The following HERC5 variants were observed in gnomAD, a reference collection of about 807,000 sequenced individuals.
HERC5 encodes HECT and RLD domain containing E3 ubiquitin protein ligase 5, also known as E3 ISG15--protein ligase HERC5.
In HERC5, 99 loss-of-function variants were observed where a neutral mutation model predicts 119.6. The observed-to-expected ratio is 0.83, with a 90% CI of 0.70 to 0.98. The LOEUF is 0.98. Ranked by LOEUF, HERC5 falls within the 50% of genes least tolerant of loss-of-function variation. The pLI, the probability that HERC5 is intolerant of heterozygous loss-of-function variation, is 0.00. For missense variants in HERC5, 1,267 were observed against 1,241.3 expected (o/e 1.02, Z -0.31); for synonymous variants, 478 against 445.9 (o/e 1.07, Z -0.91).
chr4:88,476,276 TA>T (rs1741065814), intron 12 of HERC5, among the ~76,000 whole-genome samples: 1 of 152,338 alleles, frequency 6.6e-6, no homozygotes, highest in South Asian at 2.1e-4. Context: ...AACTTTTCAC[TA>T]TGAAAAATTT....
intron 11 of HERC5, among the ~76,000 whole-genome samples, chr4:88,475,107 C>T (rs1184727554): frequency 1.9e-4 from 27 of 142,190 alleles, no homozygotes; most frequent in African/African-American, 6.2e-4. Flanking sequence ...TTGAAATTTT[C>T]GGATTTTGTC....
chr4:88,467,171 G>A lies in HERC5; in HGVS notation c.1024G>A (p.Val342Met), dbSNP rs1740700158. Reference sequence around the variant, plus strand: ...ACGTGACCAGCTGATGCCGCTTCCAGTGAAAGTATCATCAAGTGAAGAACT... The same window carrying A: ...ACGTGACCAGCTGATGCCGCTTCCAATGAAAGTATCATCAAGTGAAGAACT... ...GTRDQLMPLP[V>M]KVSSSEELKL... Residue 342 changes from valine (V) to methionine (M), a missense_variant, in exon 7 of 23, where the codon GTG becomes ATG. By Grantham distance (21) the Val-to-Met change is conservative. Around this residue, in one of 3 missense-constraint regions of HERC5, gnomAD observed 777 missense variants for 758.0 expected, o/e 1.03. Transcript: ENST00000264350. The A allele has an allele frequency of 1.2e-6, 2 of 1,614,078 alleles. No homozygotes were observed. The highest frequency in any genetic ancestry group is 1.7e-5 in the Admixed American group (1 of 60,000).
At chr4:88,502,011 G>A (rs564226232) in intron 20 of HERC5, among the ~76,000 whole-genome samples, 12 of 152,274 alleles carry the variant, frequency 7.9e-5, no homozygotes, top group African/African-American at 1.9e-4. Flanking sequence ...TGTTAGCCAG[G>A]ATGGTCTCCA....
At position 88,472,494 on chromosome 4, in the gene HERC5, A is replaced by G; in HGVS notation, c.1384A>G (p.Thr462Ala). Residue 462 changes from threonine (T) to alanine (A), a missense_variant, in exon 11 of 23, where the codon ACT becomes GCT. Transcript: ENST00000264350. ...GGAGTTAACCCAAAAGGACTGGATT[A>G]CTAACATGGTATCTTCAGATTGTTA... ...FKELTQKDWITNMITTCLKDN... is the reference protein window; with the variant it reads ...FKELTQKDWIANMITTCLKDN... The G allele has an allele frequency of 6.4e-7, 1 of 1,555,146 alleles. No homozygotes were observed. Among genetic ancestry groups the G allele is most frequent in the Non-Finnish European group, 8.8e-7 (1 of 1,130,926 alleles).
At chr4:88,475,734 AG>A (rs1741042320) in intron 11 of HERC5, 106 bp from the exon 12 acceptor site, 2 of 896,870 alleles carry the variant, frequency 2.2e-6, no homozygotes, top group Non-Finnish European at 1.8e-6. Flanking sequence ...ATTCTCATTT[AG>A]TAGTAGAATG....
At chr4:88,458,167 A>G (rs1005645070) in intron 1 of HERC5, 16 of 716,890 alleles carry the variant, frequency 2.2e-5, no homozygotes, top group Non-Finnish European at 2.6e-5. Flanking sequence ...TCTTTTTCTT[A>G]TTTGTATGGA....
chr4:88,504,686 G>C, intron 22 of HERC5, 89 bp downstream of exon 22: 1 of 660,630 alleles, frequency 1.5e-6, no homozygotes, highest in Non-Finnish European at 2.4e-6. Context: ...ATTTGCAACA[G>C]ATCATAGTGT....
rs150044503 is a variant in HERC5 at position 88,505,836 on chromosome 4, A to G, written c.3033A>G (p.Glu1011=). The change falls in exon 23 of 23, where the codon GAA becomes GAG. Residue 1011 remains glutamate, a synonymous_variant. Transcript: ENST00000264350. ...ATTCTACAATGGAAACAGTTGAAGA[A>G]GCGCTTCAAGAAGCCATCAACAACA... ...PKYSTMETVE[E]ALQEAINNNR... is the part of the protein sequence containing the mutation. 313 of 1,613,252 alleles carry G rather than the reference A, an allele frequency of 1.9e-4. No homozygotes were observed. Among genetic ancestry groups the G allele is most frequent in the Non-Finnish European group, 2.5e-4 (295 of 1,179,666 alleles).
At chr4:88,458,490 A>G (rs1740273395) in intron 1 of HERC5, among the ~76,000 whole-genome samples, 1 of 152,038 alleles carries the variant, frequency 6.6e-6, no homozygotes, top group South Asian at 2.1e-4. Context: ...CCAAAGGCTT[A>G]GCCTATGTCC....
At chr4:88,486,032 TTAATC>T (rs1045443377) in intron 13 of HERC5, 78 bp from the exon 14 acceptor site, 2 of 735,548 alleles carry the variant, frequency 2.7e-6, no homozygotes, top group Admixed American at 2.4e-5. Context: ...CATTTATAAT[TTAATC>T]TGATAATCTA....
At chr4:88,462,958 G>A (rs192183257) in intron 4 of HERC5, among the ~76,000 whole-genome samples, 1 of 152,226 alleles carries the variant, frequency 6.6e-6, no homozygotes, top group East Asian at 1.9e-4. Context: ...ACCCAGCTGT[G>A]GTACTGTATG....
intron 2 of HERC5, 70 bp downstream of exon 2, chr4:88,459,540 A>T (rs1445502535): frequency 9.8e-7 from 1 of 1,022,424 alleles, no homozygotes; most frequent in Non-Finnish European, 1.4e-6. Context: ...TGTAGGAAAT[A>T]TCTGATTCTT....
chr4:88,463,151 A>G (rs1423870254), intron 4 of HERC5, among the ~76,000 whole-genome samples: 1 of 152,264 alleles, frequency 6.6e-6, no homozygotes, highest in East Asian at 1.9e-4. Flanking sequence ...GAAGAAAAGA[A>G]GAGGTAGTGT....
At chr4:88,474,435 G>C (rs1740983835) in intron 11 of HERC5, among the ~76,000 whole-genome samples, 1 of 152,150 alleles carries the variant, frequency 6.6e-6, no homozygotes, top group Non-Finnish European at 1.5e-5. Flanking sequence ...GTAATTCTAA[G>C]GGTTTGGAAT....
intron 16 of HERC5, among the ~76,000 whole-genome samples, chr4:88,491,872 A>T (rs991188258): frequency 1.3e-5 from 2 of 152,084 alleles, no homozygotes; most frequent in Non-Finnish European, 2.9e-5. Flanking sequence ...AGGAGCAAAG[A>T]TGGGTTATGA....
At chr4:88,500,611 A>G (rs1239426442) in intron 19 of HERC5, among the ~76,000 whole-genome samples, 1 of 152,248 alleles carries the variant, frequency 6.6e-6, no homozygotes, top group African/African-American at 2.4e-5. Context: ...ATTCATGGCC[A>G]TTTTTGTAAA....
At chr4:88,473,564 T>C (rs925026469) in intron 11 of HERC5, 1 of 152,222 alleles carries the variant, frequency 6.6e-6, no homozygotes, top group Non-Finnish European at 1.5e-5. Context: ...CGAGGTGAAA[T>C]GGTTCCCTAA....
intron 17 of HERC5, among the ~76,000 whole-genome samples, chr4:88,493,523 C>T (rs1741708908): frequency 1.3e-5 from 2 of 152,078 alleles, no homozygotes; most frequent in South Asian, 2.1e-4. Flanking sequence ...GATTACTGAA[C>T]CTAATGTATT....
At chr4:88,501,358 G>T (rs867257381) in intron 20 of HERC5, among the ~76,000 whole-genome samples, 1 of 152,110 alleles carries the variant, frequency 6.6e-6, no homozygotes, top group Non-Finnish European at 1.5e-5. Flanking sequence ...CAGGGACTTG[G>T]TATGTATTCT....
Sources: gnomAD v4.1 joint callset for allele counts (sites outside exome capture counted in the v4.1 genomes callset) on GRCh38, gnomAD v4.1.1 for gene constraint, gnomAD v4.1.1 regional missense constraint, MANE v1.5 for transcripts, NCBI Gene and HGNC (gene_info 2026-07-23, HGNC 2026-07-21) for gene names.